GNL2: variants seen among roughly 807,000 people sequenced by gnomAD.
GNL2 encodes the protein nucleolar GTP-binding protein 2.
Under a neutral mutation model 92.3 loss-of-function variants are expected in GNL2, and 51 were observed. That is an observed-to-expected ratio of 0.55 (90% CI 0.44 to 0.70). The LOEUF (loss-of-function observed/expected upper bound fraction) is 0.70, where lower values mean the gene tolerates loss of function less well. Ranked by LOEUF, GNL2 falls within the 30% of genes least tolerant of loss-of-function variation. The pLI is 0.00. For synonymous variants in GNL2, 283 were observed against 300.6 expected (o/e 0.94, Z 0.61); for missense variants, 844 against 895.6 (o/e 0.94, Z 0.74).
chr1:37,593,132 T>C (rs1276213768), intron 2 of GNL2, among the ~76,000 whole-genome samples: 2 of 152,174 alleles, frequency 1.3e-5, no homozygotes, highest in African/African-American at 2.4e-5. Context: ...AAAGGCTGGT[T>C]TAAATGAATT....
chr1:37,573,614 C>T (rs1643629138), intron 12 of GNL2, among the ~76,000 whole-genome samples: 2 of 152,190 alleles, frequency 1.3e-5, no homozygotes. Context: ...ATAGTCGATG[C>T]TAATAAATGT....
At chr1:37,593,595 C>T (rs1415724084) in intron 2 of GNL2, 167 bp downstream of exon 2, 1 of 540,412 alleles carries the variant, frequency 1.9e-6, no homozygotes, top group Non-Finnish European at 3.3e-6. Context: ...TGTCCTTAAC[C>T]AAAAGTTAAC....
chr1:37,595,531 TAC>T (rs1643916692), intron 1 of GNL2, among the ~76,000 whole-genome samples: 1 of 152,186 alleles, frequency 6.6e-6, no homozygotes, highest in Non-Finnish European at 1.5e-5. Context: ...ACCAGTTGAC[TAC>T]ACTTTGGCCT....
At position 37,575,764 on chromosome 1, in the gene GNL2, C is replaced by T; in HGVS notation, c.1039-65G>A. ...ACTAAGAGTCTAATTTCACAAACCC[C>T]TGATGCTCATGTATGAAGCTGGAAA... On this transcript the variant is annotated intron_variant, in intron 9 of 15. Transcript: ENST00000373062. This position sits in a 1 kb window ranked among gnomAD's most constrained non-coding sequence, Gnocchi z 4.1. The T allele has an allele frequency of 1.0e-6, 1 of 990,794 alleles. No individual in the cohort carries two copies. Among genetic ancestry groups the T allele is most frequent in the Middle Eastern group, 2.2e-4 (1 of 4,626 alleles). 61.4% of individuals were successfully genotyped at this position (990,794 alleles called of 1,614,324 possible).
At position 37,569,310 on chromosome 1, in the gene GNL2, G is replaced by A; in HGVS notation, c.1417-8C>T. On this transcript the variant is annotated splice_polypyrimidine_tract_variant and splice_region_variant and intron_variant, in intron 12 of 15. Transcript: ENST00000373062. ...AGATGAGGAGGGTAGAAGCTATTAA[G>A]GGGTGGAAATGGGGGAAATAAATAG... 2 of 1,573,198 alleles carry A rather than the reference G, an allele frequency of 1.3e-6. No individual in the cohort carries two copies. Among genetic ancestry groups the A allele is most frequent in the East Asian group, 2.2e-5 (1 of 44,636 alleles).
At chr1:37,588,692 C>G (rs942513507) in intron 4 of GNL2, among the ~76,000 whole-genome samples, 16 of 152,138 alleles carry the variant, frequency 1.1e-4, no homozygotes, top group Non-Finnish European at 1.6e-4. Context: ...GTATATAAAG[C>G]ACATATGCAA....
chr1:37,569,328 A>C, intron 12 of GNL2, 26 bp from the exon 13 acceptor site: 1 of 1,438,610 alleles, frequency 7.0e-7, no homozygotes, highest in African/African-American at 1.4e-5. Flanking sequence ...AATGGGGGAA[A>C]TAAATAGAAT....
Position 37,569,025 on chromosome 1 carries a change from T to C in GNL2, c.1694A>G (p.Glu565Gly). The C allele has an allele frequency of 1.2e-6, 2 of 1,614,042 alleles. No homozygotes were observed. Among genetic ancestry groups the C allele is most frequent in the Non-Finnish European group, 1.7e-6 (2 of 1,179,988 alleles). The change falls in exon 13 of 16, where the codon GAA becomes GGA. Residue 565 changes from glutamate (E) to glycine (G), a missense_variant. Coordinates refer to ENST00000373062, the MANE Select transcript of GNL2 (RefSeq NM_013285.3). Reference sequence around the variant, plus strand: ...TTGTTGCTCCTGTTCCTCCTCCTCTTCATCAGAAAAGCTCTCAAGCTCTTC... The same window carrying C: ...TTGTTGCTCCTGTTCCTCCTCCTCTCCATCAGAAAAGCTCTCAAGCTCTTC... ...LEEELESFSD[E>G]EEEEQEQQRD...
In GNL2 at chr1:37,569,021, C is replaced by T; in HGVS notation, c.1698G>A (p.Glu566=). Residue 566 remains glutamate, a synonymous_variant, in exon 13 of 16, where the codon GAG becomes GAA. Transcript: ENST00000373062. ...EEELESFSDE[E]EEEQEQQRDD... is the part of the protein sequence containing the mutation. ...CTCTTTGTTGCTCCTGTTCCTCCTCCTCTTCATCAGAAAAGCTCTCAAGCT... is the reference window on the plus strand; with the variant it reads ...CTCTTTGTTGCTCCTGTTCCTCCTCTTCTTCATCAGAAAAGCTCTCAAGCT... The T allele has an allele frequency of 2.5e-6, 4 of 1,614,174 alleles. No individual in the cohort carries two copies. The highest frequency in any genetic ancestry group is 2.5e-6 in the Non-Finnish European group (3 of 1,180,022).
chr1:37,574,717 T>C lies in GNL2; in HGVS notation c.1250A>G (p.Asn417Ser). The C allele has an allele frequency of 6.2e-7, 1 of 1,613,988 alleles. No individual in the cohort carries two copies. Among genetic ancestry groups the C allele is most frequent in the Non-Finnish European group, 8.5e-7 (1 of 1,179,856 alleles). Residue 417 changes from asparagine to serine, a missense_variant, in exon 11 of 16, where the codon AAT becomes AGT. Transcript: ENST00000373062. ...GAGCTTCTCAAGAAAGTCCTCAGCA[T>C]TCTCCCAAGAATCAATCTTGTATGT... is the stretch of plus-strand genomic sequence containing the variant. Reference protein sequence around the residue: ...SKTYKIDSWENAEDFLEKLAF... With the variant: ...SKTYKIDSWESAEDFLEKLAF...
At position 37,583,915 on chromosome 1, in the gene GNL2, C is replaced by G. The variant is rs552435323; in HGVS notation, c.588G>C (p.Glu196Asp). 1 of 1,580,728 alleles carries G rather than the reference C, an allele frequency of 6.3e-7. No homozygotes were observed. The highest frequency in any genetic ancestry group is 2.2e-5 in the East Asian group (1 of 44,688). ...DTGVRNEAQE[E>D]IYKKGQSKRI... ...TTTTGGACTGTCCCTTTTTATAGAT[C>G]TCTTCTTGAGCTTCATTTCTAAATA... The change falls in exon 6 of 16, where the codon GAG becomes GAC. Residue 196 changes from glutamate to aspartate, a missense_variant. Transcript: ENST00000373062.
At position 37,582,328 on chromosome 1, in the gene GNL2, C is replaced by A; in HGVS notation, c.804G>T (p.Trp268Cys). The A allele has an allele frequency of 6.2e-7, 1 of 1,605,000 alleles. No individual in the cohort carries two copies. The highest frequency in any genetic ancestry group is 8.5e-7 in the Non-Finnish European group (1 of 1,174,814). Residue 268 changes from tryptophan (W) to cysteine (C), a missense_variant, in exon 8 of 16, where the codon TGG (tryptophan) becomes TGT (cysteine). Transcript: ENST00000373062. Reference protein sequence around the residue: ...DLVPTWATKRWVAVLSQDYPT... With the variant: ...DLVPTWATKRCVAVLSQDYPT... ...GATAATCCTGGGAGAGGACAGCAAC[C>A]CACCGTTTCTAGAAGGAGAGATGAA...
chr1:37,574,374 G>A lies in GNL2; in HGVS notation c.1385C>T (p.Pro462Leu). Residue 462 changes from proline to leucine, a missense_variant, in exon 12 of 16, where the codon CCA (proline) becomes CTA (leucine). By Grantham distance (98) the Pro-to-Leu change is moderately conservative. Coordinates refer to ENST00000373062, the MANE Select transcript of GNL2 (RefSeq NM_013285.3). ...GGCCACAAGTGGCTCTGCATTGGGT[G>A]GCTTGACAAAGAAAGGAATCCGGCC... ...QRGRIPFFVK[P>L]PNAEPLVAPQ... 6.2e-7 allele frequency: 1 copy of A among 1,613,994 alleles called. No homozygotes were observed. The highest frequency in any genetic ancestry group is 8.5e-7 in the Non-Finnish European group (1 of 1,179,954).
intron 9 of GNL2, 43 bp downstream of exon 9, chr1:37,576,385 A>G (rs764418451): frequency 2.5e-6 from 4 of 1,584,232 alleles, no homozygotes; most frequent in Non-Finnish European, 3.4e-6. Context: ...CTCTCTATGA[A>G]AAGAAAATAT....
chr1:37,570,899 G>A (rs1197212828), intron 12 of GNL2: 3 of 152,068 alleles, frequency 2.0e-5, no homozygotes, highest in Non-Finnish European at 4.4e-5. Context: ...GCTTTCTACT[G>A]GTGTTTCACA....
chr1:37,595,857 C>G lies in GNL2; in HGVS notation c.-35G>C. The G allele has an allele frequency of 1.9e-6, 3 of 1,593,634 alleles. No homozygotes were observed. Among genetic ancestry groups the G allele is most frequent in the East Asian group, 2.2e-5 (1 of 44,788 alleles). ...GAGACCGGGACCGGAGTGCGAGGTC[C>G]GGCTTACGTGGTGAAACAAACTTTT... On this transcript the variant is annotated 5_prime_UTR_variant, in exon 1 of 16. Transcript: ENST00000373062.
intron 12 of GNL2, 50 bp from the exon 13 acceptor site, chr1:37,569,352 A>G: frequency 7.7e-7 from 1 of 1,303,654 alleles, no homozygotes; most frequent in Non-Finnish European, 1.1e-6. Flanking sequence ...AAAATGAAAA[A>G]TGGAATTTCT....
chr1:37,595,614 T>C (rs1643917945), intron 1 of GNL2, 145 bp downstream of exon 1: 3 of 710,436 alleles, frequency 4.2e-6, no homozygotes, highest in Admixed American at 2.3e-5. Context: ...CTTTCCTTTT[T>C]CCCTTTTCAT....
rs563343754 is a variant in GNL2, at chr1:37,595,548, G to A, written c.64+211C>T. On this transcript the variant is annotated intron_variant, in intron 1 of 15. Transcript: ENST00000373062. Reference sequence around the variant, plus strand: ...CAGTTGACTACACTTTGGCCTGCCAGGCGTGCACTGAGCCCTCCTCAGTTC... The same window carrying A: ...CAGTTGACTACACTTTGGCCTGCCAAGCGTGCACTGAGCCCTCCTCAGTTC... 7.9e-5 allele frequency among the ~76,000 whole-genome samples: 12 copies of A among 152,298 alleles called. 1 individual carries two copies. The South Asian group carries it at 2.5e-3, about 32-fold the overall frequency.
Sources: gnomAD v4.1 joint callset for allele counts (sites outside exome capture counted in the v4.1 genomes callset) on GRCh38, gnomAD v4.1.1 for gene constraint, Gnocchi (gnomAD v3.1) non-coding constraint, MANE v1.5 for transcripts, NCBI Gene and HGNC (gene_info 2026-07-23, HGNC 2026-07-21) for gene names.